Variants in CASQ1 observed in about 807,000 individuals in gnomAD.
CASQ1 encodes calsequestrin 1.
In CASQ1, 40 loss-of-function variants were observed where a neutral mutation model predicts 49.5. The observed-to-expected ratio is 0.81, with a 90% confidence interval of 0.63 to 1.05. The LOEUF is 1.05. Among genes scored for constraint, CASQ1 ranks in the 50% least tolerant of loss-of-function variants. The pLI is 0.00. For missense variants in CASQ1, 469 were observed against 486.9 expected (o/e 0.96, Z 0.35); for synonymous variants, 174 against 187.2 (o/e 0.93, Z 0.58).
At chr1:160,197,648 G>A in intron 7 of CASQ1, 34 bp downstream of exon 7, 2 of 1,474,324 alleles carry the variant, frequency 1.4e-6, no homozygotes. Flanking sequence ...AGCCCTCAGG[G>A]AAGCATGGGT....
At chr1:160,192,335 C>T (rs148317996) in intron 1 of CASQ1, among the ~76,000 whole-genome samples, 9 of 152,230 alleles carry the variant, frequency 5.9e-5, no homozygotes, top group African/African-American at 1.4e-4. Context: ...TACCCTCCCA[C>T]CCTCCAAAAT....
Position 160,195,905 on chromosome 1 carries a change from G to T in CASQ1, c.660G>T (p.Lys220Asn), listed in dbSNP as rs146742224. The change falls in exon 6 of 11, where the codon AAG (lysine) becomes AAT (asparagine). Residue 220 changes from lysine to asparagine, a missense_variant. Physicochemically the swap from Lys to Asn is moderately conservative, Grantham distance 94. Transcript: ENST00000368078. ...TACCCCCTCTCCCAAAGGTGGCAAA[G>T]AAGCTGACCCTGAAGCTGAATGAGA... ...FFATFDSKVAKKLTLKLNEID... is the reference protein window; with the variant it reads ...FFATFDSKVANKLTLKLNEID... The T allele has an allele frequency of 1.6e-4, 254 of 1,613,708 alleles. 1 individual carries two copies. The highest frequency in any genetic ancestry group is 1.6e-4 in the Non-Finnish European group (189 of 1,179,902).
intron 10 of CASQ1, 68 bp from the exon 11 acceptor site, chr1:160,201,177 G>T: frequency 6.6e-7 from 1 of 1,522,050 alleles, no homozygotes; most frequent in Non-Finnish European, 9.0e-7. Context: ...AGAGTCCAGT[G>T]AGTGGGAAGA....
chr1:160,194,967 A>C (rs776927991), intron 3 of CASQ1, 45 bp from the exon 4 acceptor site: 8 of 1,223,850 alleles, frequency 6.5e-6, no homozygotes, highest in Non-Finnish European at 8.2e-6. Context: ...TTCTGGTTCT[A>C]CTTGAGGATA....
At position 160,190,649 on chromosome 1, in the gene CASQ1, T is replaced by A; in HGVS notation, c.-103T>A. ...CTCTGGGCCATTCCCCAATCCCCCC[T>A]CCCACTTGAGCCCCTAACTCAGAAT... On this transcript the variant is annotated 5_prime_UTR_variant, in exon 1 of 11. Coordinates refer to ENST00000368078, the MANE Select transcript of CASQ1 (RefSeq NM_001231.5). The A allele has an allele frequency of 1.9e-6, 2 of 1,070,928 alleles. No homozygotes were observed. Among genetic ancestry groups the A allele is most frequent in the Non-Finnish European group, 2.7e-6 (2 of 745,268 alleles). 66.3% of individuals were successfully genotyped at this position (1,070,928 alleles called of 1,614,324 possible). A position where few individuals can be genotyped will look rare whatever the true frequency, so the allele number is the denominator to read the frequency against.
chr1:160,195,754 A>C, intron 5 of CASQ1, 143 bp from the exon 6 acceptor site: 2 of 979,444 alleles, frequency 2.0e-6, no homozygotes, highest in Non-Finnish European at 3.1e-6. Context: ...AGGCAAGTTA[A>C]GACACTTGTC....
chr1:160,192,929 C>T, intron 2 of CASQ1, 43 bp downstream of exon 2: 2 of 1,529,816 alleles, frequency 1.3e-6, no homozygotes, highest in South Asian at 1.1e-5. Context: ...GGCATTGAGA[C>T]AAGGGGAGGC....
intron 1 of CASQ1, among the ~76,000 whole-genome samples, chr1:160,191,346 G>A (rs1467622969): frequency 1.3e-5 from 2 of 152,092 alleles, no homozygotes; most frequent in Non-Finnish European, 2.9e-5. Context: ...GAAAAAGGGA[G>A]GTACTTGGAG....
intron 10 of CASQ1, among the ~76,000 whole-genome samples, chr1:160,200,971 AAG>A (rs761017689): frequency 3.3e-4 from 50 of 152,216 alleles, no homozygotes; most frequent in Admixed American, 2.6e-4. Context: ...TTTTGCACCA[AAG>A]GCATAATAGG....
chr1:160,197,573 AC>A lies in CASQ1; in HGVS notation c.790del (p.Leu264Ter), dbSNP rs773153762. On this transcript the variant is annotated frameshift_variant, in exon 7 of 11. Coordinates refer to ENST00000368078, the MANE Select transcript of CASQ1 (RefSeq NM_001231.5). LOFTEE classifies it high-confidence loss of function. ...VNFVEEHRRS[T>X]LRKLKPESMY... ...CACTCTGTCTGTCTCTTCTAGATCA[AC>A]CCTGAGGAAACTGAAGCCGGAGAGT... 6.2e-7 allele frequency: 1 copy of A among 1,611,064 alleles called. No individual in the cohort carries two copies. The highest frequency in any genetic ancestry group is 8.5e-7 in the Non-Finnish European group (1 of 1,177,248).
At position 160,198,970 on chromosome 1, in the gene CASQ1, G is replaced by A. The variant is rs959318580; in HGVS notation, c.901G>A (p.Glu301Lys). 4 of 1,611,522 alleles carry A rather than the reference G, an allele frequency of 2.5e-6. No homozygotes were observed. In the East Asian group the frequency reaches 6.7e-5, roughly 27 times the overall value. The change falls in exon 9 of 11, where the codon GAG (glutamate) becomes AAG (lysine). Residue 301 changes from glutamate (E) to lysine (K), a missense_variant. Transcript: ENST00000368078. The part of the protein sequence containing the change: ...EADPDGFEFL[E>K]TLKAVAQDNT... ...CCTCCAAGATGGTTTCGAGTTCTTAGAGACTCTCAAGGCTGTGGCCCAAGA... is the reference window on the plus strand; with the variant it reads ...CCTCCAAGATGGTTTCGAGTTCTTAAAGACTCTCAAGGCTGTGGCCCAAGA...
intron 1 of CASQ1, among the ~76,000 whole-genome samples, chr1:160,192,453 A>T (rs1043787882): frequency 6.6e-6 from 1 of 152,212 alleles, no homozygotes; most frequent in African/African-American, 2.4e-5. Flanking sequence ...TGACTTGAGC[A>T]GGATGGAATG....
At position 160,199,848 on chromosome 1, in the gene CASQ1, C is replaced by T. The variant is rs1654329262; in HGVS notation, c.985-3C>T. 2.5e-6 allele frequency: 4 copies of T among 1,604,774 alleles called. No homozygotes were observed. Among genetic ancestry groups the T allele is most frequent in the Non-Finnish European group, 3.4e-6 (4 of 1,171,434 alleles). On this transcript the variant is annotated splice_region_variant and splice_polypyrimidine_tract_variant and intron_variant, in intron 9 of 10. Transcript: ENST00000368078. Reference sequence around the variant, plus strand: ...AAGTTGCTGTATTTTGATCTCTCTACAGCTGGTCCCATACTGGGAGAAGAC... The same window carrying T: ...AAGTTGCTGTATTTTGATCTCTCTATAGCTGGTCCCATACTGGGAGAAGAC...
rs1477223102 is a variant in CASQ1 at position 160,195,477 on chromosome 1, G to T, written c.594G>T (p.Glu198Asp). 3.1e-6 allele frequency: 5 copies of T among 1,613,968 alleles called. No individual in the cohort carries two copies. The highest frequency in any genetic ancestry group is 4.2e-6 in the Non-Finnish European group (5 of 1,179,992). ...SKDSEHYKAF[E>D]DAAEEFHPYI... is the part of the protein sequence containing the mutation. ...ACCCCCCAGATTACAAAGCCTTCGA[G>T]GATGCAGCTGAGGAGTTTCATCCCT... is the stretch of plus-strand genomic sequence containing the variant. Residue 198 changes from glutamate to aspartate, a missense_variant, in exon 5 of 11, where the codon GAG (glutamate) becomes GAT (aspartate). Transcript: ENST00000368078.
chr1:160,193,358 T>G (rs546241018), intron 2 of CASQ1, among the ~76,000 whole-genome samples: 1 of 152,056 alleles, frequency 6.6e-6, no homozygotes, highest in African/African-American at 2.4e-5. Flanking sequence ...TAATAGCAAT[T>G]AAAGAGCTTG....
At chr1:160,198,629 T>C (rs1351474664) in intron 7 of CASQ1, 48 bp from the exon 8 acceptor site, 3 of 1,409,526 alleles carry the variant, frequency 2.1e-6, no homozygotes, top group Admixed American at 1.7e-5. Context: ...TCAGGGAGTA[T>C]AGTAAGGTCT....
At chr1:160,199,161 G>A (rs572662724) in intron 9 of CASQ1, 108 bp downstream of exon 9, 219 of 778,436 alleles carry the variant, frequency 2.8e-4, no homozygotes, top group Non-Finnish European at 4.5e-4. Context: ...TCCTAGCTGG[G>A]GGGCCCTGGG....
chr1:160,195,997 A>G lies in CASQ1; in HGVS notation c.752A>G (p.Glu251Gly), dbSNP rs1178203215. The G allele has an allele frequency of 6.2e-7, 1 of 1,613,998 alleles. No homozygotes were observed. Among genetic ancestry groups the G allele is most frequent in the East Asian group, 2.2e-5 (1 of 44,874 alleles). The change falls in exon 6 of 11, where the codon GAG (glutamate) becomes GGG (glycine). Residue 251 changes from glutamate (E) to glycine (G), a missense_variant. By Grantham distance (98) the Glu-to-Gly change is moderately conservative. Transcript: ENST00000368078. ...CCAGACAAGCCCAATAGCGAAGAGG[A>G]GATTGTCAACTTCGTGGAGGAGCAC... ...TIPDKPNSEE[E>G]IVNFVEEHRR...
At chr1:160,194,931 C>T (rs533844696) in intron 3 of CASQ1, 81 bp from the exon 4 acceptor site, 7 of 847,260 alleles carry the variant, frequency 8.3e-6, no homozygotes, top group South Asian at 4.9e-5. Flanking sequence ...CCTCCAGTTC[C>T]CCAGCCTTCT....
Sources: allele counts gnomAD v4.1 joint callset (sites outside exome capture counted in the v4.1 genomes callset), GRCh38; gene constraint gnomAD v4.1.1; transcripts MANE v1.5; gene names NCBI Gene and HGNC (gene_info 2026-07-23, HGNC 2026-07-21).